The following EYS variants were observed in gnomAD, a reference collection of about 807,000 sequenced individuals.
The protein encoded by EYS is EGF-like photoreceptor maintenance factor, also known as protein eyes shut homolog.
EYS carries 250 observed loss-of-function variants against 282.1 expected under a neutral mutation model. The observed-to-expected ratio is 0.89, with a 90% CI of 0.80 to 0.98. EYS has a LOEUF of 0.98. Ranked by LOEUF, EYS falls within the 50% of genes least tolerant of loss-of-function variation. EYS has a pLI of 0.00. For missense variants in EYS, 4,016 were observed against 3,709.0 expected (o/e 1.08, Z -2.15); for synonymous variants, 1,355 against 1,282.9 (o/e 1.06, Z -1.20).
At chr6:64,765,772 T>C (rs1390373293) in intron 22 of EYS, among the ~76,000 whole-genome samples, 1 of 152,028 alleles carries the variant, frequency 6.6e-6, no homozygotes, top group Non-Finnish European at 1.5e-5. Flanking sequence ...CTCACTATCA[T>C]GAGAACAGCT....
rs201036594 is a variant in EYS, at chr6:64,643,926, C to G, written c.3444-17681G>C. 4.6e-5 allele frequency among the ~76,000 whole-genome samples: 7 copies of G among 152,230 alleles called. No homozygotes were observed. The East Asian group carries it at 7.7e-4, about 17-fold the overall frequency. ...GTCTTGGGTAGGTCTTTATCAGCAGCGTGAGAGTGGACTAACACATTCTGT... is the reference window on the plus strand; with the variant it reads ...GTCTTGGGTAGGTCTTTATCAGCAGGGTGAGAGTGGACTAACACATTCTGT... On this transcript the variant is annotated intron_variant, in intron 22 of 42. Transcript: ENST00000503581.
chr6:63,743,925 C>T (rs1769145662), intron 41 of EYS, among the ~76,000 whole-genome samples: 1 of 152,156 alleles, frequency 6.6e-6, no homozygotes, highest in Non-Finnish European at 1.5e-5. Flanking sequence ...GGAGGGTTGT[C>T]TGGAGCCACC....
Position 64,000,168 on chromosome 6 carries a change from CTTTTTTTTTTTTTTTTTTTTTTTTTT to C in EYS, c.6726-1011_6726-986del, listed in dbSNP as rs71551553. Among the ~76,000 whole-genome samples, 104 of 42,738 alleles carry C rather than the reference CTTTTTTTTTTTTTTTTTTTTTTTTTT, an allele frequency of 2.4e-3. 2 individuals are homozygous for C. The highest frequency in any genetic ancestry group is 1.8e-3 in the African/African-American group (20 of 11,406). The allele number at this position is 42,738 out of a possible 152,430, so 28.0% of individuals were successfully genotyped here. A position where few individuals can be genotyped will look rare whatever the true frequency, so the allele number is the denominator to read the frequency against. On this transcript the variant is annotated intron_variant, in intron 33 of 42. Transcript: ENST00000503581. The stretch of plus-strand genomic sequence containing the variant: ...CTGAGGAGTTTCCCAAGACATGGGA[CTTTTTTTTTTTTTTTTTTTTTTTTTT>C]TTTTTTTTTTTTTTTTAGACAGAGT...
At chr6:65,687,483 A>G (rs1769065918) in intron 1 of EYS, among the ~76,000 whole-genome samples, 1 of 152,038 alleles carries the variant, frequency 6.6e-6, no homozygotes, top group Non-Finnish European at 1.5e-5. Context: ...CAGTAAACCA[A>G]CCTCTAAGTA....
intron 19 of EYS, among the ~76,000 whole-genome samples, chr6:64,824,567 G>A (rs1048968702): frequency 2.6e-5 from 4 of 151,902 alleles, no homozygotes; most frequent in African/African-American, 9.7e-5. Flanking sequence ...AGGAAGATAA[G>A]TGAAAAGTCT....
chr6:65,275,004 G>C (rs1385293562), intron 12 of EYS, among the ~76,000 whole-genome samples: 1 of 151,980 alleles, frequency 6.6e-6, no homozygotes, highest in Non-Finnish European at 1.5e-5. Context: ...CATTTACCTA[G>C]TGATCTGAAA....
intron 15 of EYS, among the ~76,000 whole-genome samples, chr6:64,915,676 A>G (rs1768138062): frequency 6.6e-6 from 1 of 152,178 alleles, no homozygotes; most frequent in Non-Finnish European, 1.5e-5. Flanking sequence ...ATATTTCTTT[A>G]GCTTTTAGTA....
rs150175981 is a variant in EYS at position 65,229,023 on chromosome 6, T to C, written c.2023+66840A>G. 9.4e-3 allele frequency among the ~76,000 whole-genome samples: 1,426 copies of C among 152,076 alleles called. 31 individuals carry two copies. The highest frequency in any genetic ancestry group is 0.032 in the African/African-American group (1,341 of 41,556). On this transcript the variant is annotated intron_variant, in intron 12 of 42. Coordinates refer to ENST00000503581, the MANE Select transcript of EYS (RefSeq NM_001142800.2). Reference sequence around the variant, plus strand: ...ACAAAAATTAAGACAAAATGGATTATAGACCTAAAAGTAACCATAAGGAAA... The same window carrying C: ...ACAAAAATTAAGACAAAATGGATTACAGACCTAAAAGTAACCATAAGGAAA...
At chr6:63,992,319 A>G (rs1478464930) in intron 34 of EYS, among the ~76,000 whole-genome samples, 2 of 151,668 alleles carry the variant, frequency 1.3e-5, no homozygotes, top group Admixed American at 1.3e-4. Context: ...TTTTCTTTTT[A>G]AAGATTTCAA....
At chr6:65,283,247 A>G (rs542307517) in intron 12 of EYS, among the ~76,000 whole-genome samples, 24 of 152,058 alleles carry the variant, frequency 1.6e-4, no homozygotes, top group African/African-American at 5.8e-4. Context: ...CTGAACTTTA[A>G]AAAGAACAAG....
chr6:64,191,258 C>T (rs1285907135), intron 31 of EYS, among the ~76,000 whole-genome samples: 4 of 151,824 alleles, frequency 2.6e-5, no homozygotes, highest in African/African-American at 9.7e-5. Flanking sequence ...TCCTTCTCTA[C>T]CTTCACACCA....
intron 31 of EYS, among the ~76,000 whole-genome samples, chr6:64,160,214 G>A (rs926275344): frequency 6.6e-6 from 1 of 152,058 alleles, no homozygotes; most frequent in Non-Finnish European, 1.5e-5. Flanking sequence ...TTGGGATATG[G>A]GAACAATCAT....
intron 31 of EYS, among the ~76,000 whole-genome samples, chr6:64,138,825 A>G (rs1029812236): frequency 6.6e-6 from 1 of 152,184 alleles, no homozygotes; most frequent in African/African-American, 2.4e-5. Flanking sequence ...AGTTATTATG[A>G]TGTGTTAATG....
chr6:65,077,412 G>C (rs1447892941), intron 12 of EYS, among the ~76,000 whole-genome samples: 2 of 151,996 alleles, frequency 1.3e-5, no homozygotes, highest in Admixed American at 6.6e-5. Flanking sequence ...GATTCAATAA[G>C]GTAAGCCCAC....
chr6:64,382,478 C>CT (rs1287146522), intron 29 of EYS, among the ~76,000 whole-genome samples: 5 of 152,170 alleles, frequency 3.3e-5, no homozygotes, highest in African/African-American at 1.2e-4. Context: ...CATTTAGTTG[C>CT]TTAATCCAGA....
intron 34 of EYS, among the ~76,000 whole-genome samples, chr6:63,994,417 C>T (rs1268737791): frequency 6.6e-6 from 1 of 151,880 alleles, no homozygotes; most frequent in Non-Finnish European, 1.5e-5. Flanking sequence ...CAGGAATTCC[C>T]TGTTAGTCAC....
chr6:64,955,816 C>G (rs1402019480), intron 14 of EYS, among the ~76,000 whole-genome samples: 1 of 152,142 alleles, frequency 6.6e-6, no homozygotes, highest in Non-Finnish European at 1.5e-5. Flanking sequence ...TTTTTCCCCA[C>G]AGAAAAAATA....
rs140150803 is a variant in EYS, at chr6:63,820,573, C to G, written c.7229-14201G>C. Among the ~76,000 whole-genome samples the G allele has an allele frequency of 1.8e-3, 278 of 152,220 alleles. 2 individuals carry two copies. The highest frequency in any genetic ancestry group is 6.1e-3 in the African/African-American group (252 of 41,562). ...TTTGGTCCTGAGATATTCACTGATTCATGTTTCATCTTTAAGTCTCTAATA... is the reference window on the plus strand; with the variant it reads ...TTTGGTCCTGAGATATTCACTGATTGATGTTTCATCTTTAAGTCTCTAATA... On this transcript the variant is annotated intron_variant, in intron 36 of 42. Coordinates refer to ENST00000503581, the MANE Select transcript of EYS (RefSeq NM_001142800.2).
intron 13 of EYS, among the ~76,000 whole-genome samples, chr6:65,038,395 G>A (rs887265122): frequency 1.3e-5 from 2 of 151,246 alleles, no homozygotes; most frequent in Non-Finnish European, 3.0e-5. Flanking sequence ...ATATTTGAGA[G>A]AGTCTTATGT....
Sources: gnomAD v4.1 joint callset for allele counts (sites outside exome capture counted in the v4.1 genomes callset) on GRCh38, gnomAD v4.1.1 for gene constraint, MANE v1.5 for transcripts, NCBI Gene and HGNC (gene_info 2026-07-23, HGNC 2026-07-21) for gene names.